The following GRIA4 variants were observed in gnomAD, a reference collection of about 807,000 sequenced individuals.
The protein encoded by GRIA4 is glutamate receptor 4.
Under a neutral mutation model 104.0 loss-of-function variants are expected in GRIA4, and 34 were observed. That is an observed-to-expected ratio of 0.33 (90% confidence interval 0.25 to 0.44). The LOEUF is 0.44. Ranked by LOEUF, GRIA4 falls within the 20% of genes least tolerant of loss-of-function variation. GRIA4 has a pLI of 1.00. For missense variants in GRIA4, 750 were observed against 1,096.5 expected, an observed-to-expected ratio of 0.68 and a Z score of 4.46; for synonymous variants, 386 against 381.9, an observed-to-expected ratio of 1.01 and a Z score of -0.13.
chr11:105,735,100 C>G (rs1354515634), intron 3 of GRIA4, among the ~76,000 whole-genome samples: 1 of 152,022 alleles, frequency 6.6e-6, no homozygotes, highest in East Asian at 1.9e-4. Flanking sequence ...ATACGCAAAT[C>G]AGCATATATA....
chr11:105,823,378 C>A (rs1319505190), intron 4 of GRIA4, among the ~76,000 whole-genome samples: 3 of 151,720 alleles, frequency 2.0e-5, no homozygotes. Flanking sequence ...CGGTTAGGTT[C>A]TTGTGGAAAA....
rs770234801 is a variant in GRIA4 at position 105,918,804 on chromosome 11, T to C, written c.1362T>C (p.Ile454=). The change falls in exon 11 of 17, where the codon ATT becomes ATC. Residue 454 remains isoleucine, a synonymous_variant. Coordinates refer to ENST00000282499, the MANE Select transcript of GRIA4 (RefSeq NM_000829.4). ...EGYCVDLASE[I]AKHIGIKYKI... ...ACTGTGTAGATTTGGCATCTGAAATTGCAAAACATATTGGTATCAAGTATA... is the reference window on the plus strand; with the variant it reads ...ACTGTGTAGATTTGGCATCTGAAATCGCAAAACATATTGGTATCAAGTATA... 6.2e-7 allele frequency: 1 copy of C among 1,601,352 alleles called. No homozygotes were observed. Among genetic ancestry groups the C allele is most frequent in the South Asian group, 1.1e-5 (1 of 90,832 alleles).
At chr11:105,792,531 C>T (rs1407683047) in intron 4 of GRIA4, among the ~76,000 whole-genome samples, 1 of 152,010 alleles carries the variant, frequency 6.6e-6, no homozygotes, top group Non-Finnish European at 1.5e-5. Context: ...AACTTTTAGT[C>T]ATAACTTTGA....
At chr11:105,763,578 G>A (rs533757187) in intron 4 of GRIA4, among the ~76,000 whole-genome samples, 1 of 152,130 alleles carries the variant, frequency 6.6e-6, no homozygotes, top group East Asian at 1.9e-4. Flanking sequence ...TCTAAAGACC[G>A]TAGTCACAAG....
rs141013951 is a variant in GRIA4, at chr11:105,657,789, G to A, written c.247+45355G>A. On this transcript the variant is annotated intron_variant, in intron 3 of 16. Transcript: ENST00000282499. ...GATAGTACAATGTACTTTGTAGTCTGTATGGAATTAGAGGAACTCATGTAA... is the reference window on the plus strand; with the variant it reads ...GATAGTACAATGTACTTTGTAGTCTATATGGAATTAGAGGAACTCATGTAA... 3.5e-3 allele frequency among the ~76,000 whole-genome samples: 535 copies of A among 151,934 alleles called. 3 individuals carry two copies. The highest frequency in any genetic ancestry group is 0.012 in the African/African-American group (511 of 41,470).
chr11:105,723,371 C>T (rs961427936), intron 3 of GRIA4, among the ~76,000 whole-genome samples: 1 of 151,984 alleles, frequency 6.6e-6, no homozygotes, highest in Non-Finnish European at 1.5e-5. Context: ...TGAATTAGGT[C>T]ATTACACTTT....
intron 12 of GRIA4, among the ~76,000 whole-genome samples, chr11:105,926,526 T>C (rs534897672): frequency 8.4e-4 from 128 of 152,176 alleles, no homozygotes; most frequent in Middle Eastern, 3.4e-3. Context: ...AAGGAAATGG[T>C]TGTCATATTT....
At chr11:105,836,244 T>C (rs1944180947) in intron 4 of GRIA4, among the ~76,000 whole-genome samples, 1 of 152,062 alleles carries the variant, frequency 6.6e-6, no homozygotes, top group South Asian at 2.1e-4. Flanking sequence ...AAGAAAGTAC[T>C]GGGTGCTGAC....
At chr11:105,742,998 A>G (rs766222283) in intron 3 of GRIA4, among the ~76,000 whole-genome samples, 2 of 151,928 alleles carry the variant, frequency 1.3e-5, no homozygotes, top group South Asian at 2.1e-4. Flanking sequence ...CAGCCTCCCA[A>G]AGTTCTGGGA....
chr11:105,791,389 C>A (rs1251782879), intron 4 of GRIA4, among the ~76,000 whole-genome samples: 1 of 152,122 alleles, frequency 6.6e-6, no homozygotes, highest in Non-Finnish European at 1.5e-5. Context: ...AATGATTGTG[C>A]ATTTAATGCA....
Position 105,887,530 on chromosome 11 carries a change from T to A in GRIA4, c.684T>A (p.Val228=). ...TTATATCTTCACAGATTGTAAGTGT[T>A]GGAAAGCATGTTAAAGGCTACCATT... is the stretch of plus-strand genomic sequence containing the variant. ...LQNILEQIVS[V]GKHVKGYHYI... is the part of the protein sequence containing the mutation. Residue 228 remains valine (V), a synonymous_variant, in exon 6 of 17, where the codon GTT becomes GTA. Coordinates refer to ENST00000282499, the MANE Select transcript of GRIA4 (RefSeq NM_000829.4). 1 of 1,420,892 alleles carries A rather than the reference T, an allele frequency of 7.0e-7. No homozygotes were observed. The highest frequency in any genetic ancestry group is 9.8e-7 in the Non-Finnish European group (1 of 1,015,890). 88.0% of individuals were successfully genotyped at this position (1,420,892 alleles called of 1,614,324 possible).
At chr11:105,754,116 C>T (rs534395895) in intron 4 of GRIA4, among the ~76,000 whole-genome samples, 14 of 152,104 alleles carry the variant, frequency 9.2e-5, no homozygotes, top group African/African-American at 3.4e-4. Flanking sequence ...ATCCTGCCTT[C>T]GTCTTTTGGT....
chr11:105,858,636 A>T (rs1945106400), intron 4 of GRIA4, among the ~76,000 whole-genome samples: 1 of 152,124 alleles, frequency 6.6e-6, no homozygotes, highest in Admixed American at 6.6e-5. Context: ...TGTACCTATT[A>T]ACCATCCCCA....
At chr11:105,848,512 T>C (rs1944676314) in intron 4 of GRIA4, among the ~76,000 whole-genome samples, 1 of 152,156 alleles carries the variant, frequency 6.6e-6, no homozygotes, top group Non-Finnish European at 1.5e-5. Flanking sequence ...TCTCATGCAA[T>C]TACTGGAATT....
At chr11:105,831,190 C>T (rs1943962435) in intron 4 of GRIA4, among the ~76,000 whole-genome samples, 1 of 152,022 alleles carries the variant, frequency 6.6e-6, no homozygotes, top group Non-Finnish European at 1.5e-5. Context: ...TTGGTATCAG[C>T]TCTCAGCTGG....
chr11:105,878,371 C>G (rs183986996), intron 5 of GRIA4, among the ~76,000 whole-genome samples: 67 of 152,282 alleles, frequency 4.4e-4, no homozygotes, highest in Non-Finnish European at 8.7e-4. Flanking sequence ...GGAGGTGTCT[C>G]CCAGTCAGGA....
At chr11:105,905,429 ACTTT>A in intron 9 of GRIA4, 128 bp downstream of exon 9, 1 of 597,330 alleles carries the variant, frequency 1.7e-6, no homozygotes, top group Non-Finnish European at 3.0e-6. Flanking sequence ...ATACTTTAGT[ACTTT>A]CTTTATAATC....
At chr11:105,822,947 A>G (rs942240436) in intron 4 of GRIA4, among the ~76,000 whole-genome samples, 2 of 152,012 alleles carry the variant, frequency 1.3e-5, no homozygotes, top group African/African-American at 2.4e-5. Flanking sequence ...GCTTCTGAAC[A>G]TTTCTTCTTC....
chr11:105,901,778 G>A (rs1383059339), intron 7 of GRIA4, among the ~76,000 whole-genome samples: 2 of 152,122 alleles, frequency 1.3e-5, no homozygotes, highest in African/African-American at 2.4e-5. Flanking sequence ...AACACAAAAA[G>A]TGCATTTGCT....
Sources: gnomAD v4.1 joint callset for allele counts (sites outside exome capture counted in the v4.1 genomes callset) on GRCh38, gnomAD v4.1.1 for gene constraint, MANE v1.5 for transcripts, NCBI Gene and HGNC (gene_info 2026-07-23, HGNC 2026-07-21) for gene names.